The following RXRA variants were observed in gnomAD, a reference collection of about 807,000 sequenced individuals.
RXRA encodes the protein retinoid X receptor alpha.
Under a neutral mutation model 44.5 loss-of-function variants are expected in RXRA, and 5 were observed. The ratio of observed to expected loss-of-function variants is 0.11; its 90% CI spans 0.06 to 0.24. The LOEUF is 0.24. Among genes scored for constraint, RXRA ranks in the 10% least tolerant of loss-of-function variants. The probability of loss-of-function intolerance (pLI) is 1.00; values close to 1 mark genes in which losing one functional copy is unlikely to be tolerated. For synonymous variants in RXRA, 291 were observed against 271.4 expected (o/e 1.07, Z -0.71); for missense variants, 412 against 646.5 (o/e 0.64, Z 3.93).
At chr9:134,344,253 C>A (rs1173295959) in intron 1 of RXRA, among the ~76,000 whole-genome samples, 1 of 152,092 alleles carries the variant, frequency 6.6e-6, no homozygotes, top group African/African-American at 2.4e-5. Context: ...CCGGCATGTG[C>A]GGAGGCTGTG....
intron 6 of RXRA, chr9:134,422,724 T>TG: frequency 1.0e-6 from 1 of 985,380 alleles, no homozygotes; most frequent in South Asian, 4.7e-5. Context: ...ATGGGACTGT[T>TG]GGGGGAAGGG....
chr9:134,387,680 G>A (rs1283556289), intron 1 of RXRA, among the ~76,000 whole-genome samples: 2 of 152,216 alleles, frequency 1.3e-5, no homozygotes, highest in African/African-American at 4.8e-5. Context: ...CCGTCCATGA[G>A]CGTTCCCCGC....
chr9:134,379,931 ACT>A (rs1396144584), intron 1 of RXRA: 16 of 984,868 alleles, frequency 1.6e-5, no homozygotes, highest in Middle Eastern at 5.2e-4. Flanking sequence ...TGGGTCTGAG[ACT>A]CTGGCCTCCC....
chr9:134,350,172 T>C (rs1465580641), intron 1 of RXRA, among the ~76,000 whole-genome samples: 1 of 151,342 alleles, frequency 6.6e-6, no homozygotes, highest in Non-Finnish European at 1.5e-5. Flanking sequence ...TGGGGCCGAG[T>C]GGGCAGCTGG....
At position 134,426,759 on chromosome 9, in the gene RXRA, A is replaced by G; in HGVS notation, c.911-2349A>G. ...CCCCCAGGCCTGCAGGATGTGAGGG[A>G]GAGAGGCAGGCCCGAGAGGCCAGGA... On this transcript the variant is annotated intron_variant, in intron 6 of 9. Coordinates refer to ENST00000481739, the MANE Select transcript of RXRA (RefSeq NM_002957.6). The surrounding 1 kb of genome is among the most constrained non-coding windows in gnomAD (Gnocchi z 4.6). The G allele has an allele frequency of 3.0e-6, 3 of 985,306 alleles. No individual in the cohort carries two copies. The highest frequency in any genetic ancestry group is 3.6e-6 in the Non-Finnish European group (3 of 829,904). 61.0% of individuals were successfully genotyped at this position (985,306 alleles called of 1,614,324 possible). A position where few individuals can be genotyped will look rare whatever the true frequency, so the allele number is the denominator to read the frequency against.
rs752217136 is a variant in RXRA at position 134,366,083 on chromosome 9, G to A, written c.29-35549G>A. 1.6e-4 allele frequency among the ~76,000 whole-genome samples: 25 copies of A among 152,120 alleles called. No individual in the cohort carries two copies. The highest frequency in any genetic ancestry group is 6.0e-4 in the African/African-American group (25 of 41,416). Reference sequence around the variant, plus strand: ...GGGCTTGGCATCTTCAGCATCTCTCGTGCCTCAGTAACAACCTGGGAGCGG... The same window carrying A: ...GGGCTTGGCATCTTCAGCATCTCTCATGCCTCAGTAACAACCTGGGAGCGG... On this transcript the variant is annotated intron_variant, in intron 1 of 9. Transcript: ENST00000481739. This position sits in a 1 kb window ranked among gnomAD's most constrained non-coding sequence, Gnocchi z 5.9.
intron 7 of RXRA, among the ~76,000 whole-genome samples, chr9:134,430,105 C>T (rs926085842): frequency 6.6e-6 from 1 of 152,228 alleles, no homozygotes; most frequent in African/African-American, 2.4e-5. Flanking sequence ...CCAGGATGGT[C>T]TCGATCTCCT....
Position 134,390,882 on chromosome 9 carries a change from G to A in RXRA, c.29-10750G>A, listed in dbSNP as rs1040424048. Among the ~76,000 whole-genome samples the A allele has an allele frequency of 3.9e-5, 6 of 152,362 alleles. 1 individual carries two copies. The highest frequency in any genetic ancestry group is 1.9e-4 in the East Asian group (1 of 5,192). On this transcript the variant is annotated intron_variant, in intron 1 of 9. Transcript: ENST00000481739. ...GCCTCTTCTGTGGGAAGGATGCTGC[G>A]TGCTAGGGTGGGCCTGGGCTTATGG...
At chr9:134,430,031 G>T (rs1040779666) in intron 7 of RXRA, among the ~76,000 whole-genome samples, 1 of 152,108 alleles carries the variant, frequency 6.6e-6, no homozygotes, top group Non-Finnish European at 1.5e-5. Flanking sequence ...AACTACAGGC[G>T]CCCGCCACCA....
intron 1 of RXRA, among the ~76,000 whole-genome samples, chr9:134,381,286 C>T (rs1372740654): frequency 2.6e-5 from 4 of 151,966 alleles, no homozygotes; most frequent in South Asian, 2.1e-4. Flanking sequence ...TCCAGGGATG[C>T]AGCTGGCCTC....
intron 1 of RXRA, among the ~76,000 whole-genome samples, chr9:134,340,701 G>T (rs532035867): frequency 1.7e-4 from 26 of 152,312 alleles, no homozygotes; most frequent in Admixed American, 1.5e-3. Flanking sequence ...GCCACATGCC[G>T]TCCAGGCTGA....
intron 3 of RXRA, 56 bp from the exon 4 acceptor site, chr9:134,408,884 G>C: frequency 7.0e-7 from 1 of 1,427,398 alleles, no homozygotes; most frequent in Non-Finnish European, 9.2e-7. Context: ...GATGGGGGGT[G>C]GGCTCCCTGC....
At chr9:134,364,907 C>G (rs541167363) in intron 1 of RXRA, among the ~76,000 whole-genome samples, 1 of 152,186 alleles carries the variant, frequency 6.6e-6, no homozygotes, top group Non-Finnish European at 1.5e-5. Flanking sequence ...GCCCCTAGCT[C>G]GTGGCCCTGG....
intron 1 of RXRA, among the ~76,000 whole-genome samples, chr9:134,327,206 C>A (rs1280042885): frequency 1.3e-5 from 2 of 152,086 alleles, no homozygotes; most frequent in African/African-American, 4.8e-5. Flanking sequence ...TGGGCAGGGT[C>A]CCCCGGGGCT....
Position 134,417,925 on chromosome 9 carries a change from C to T in RXRA, c.780+598C>T, listed in dbSNP as rs1411033589. Among the ~76,000 whole-genome samples, 4 of 152,056 alleles carry T rather than the reference C, an allele frequency of 2.6e-5. No individual in the cohort carries two copies. The highest frequency in any genetic ancestry group is 1.5e-5 in the Non-Finnish European group (1 of 67,996). On this transcript the variant is annotated intron_variant, in intron 5 of 9. Coordinates refer to ENST00000481739, the MANE Select transcript of RXRA (RefSeq NM_002957.6). This position sits in a 1 kb window ranked among gnomAD's most constrained non-coding sequence, Gnocchi z 6.1. ...TCAAGGGGAGGAGGATTGGGTGGGC[C>T]GCAGCCCTGGTCCCGGGCTCTTCTC... is the stretch of plus-strand genomic sequence containing the variant.
chr9:134,379,176 T>G, intron 1 of RXRA: 2 of 736,632 alleles, frequency 2.7e-6, no homozygotes, highest in Non-Finnish European at 3.3e-6. Context: ...GGACCCGGAA[T>G]TATGCTGTTC....
chr9:134,427,319 C>CCACT (rs1442960248), intron 6 of RXRA, among the ~76,000 whole-genome samples: 4 of 152,186 alleles, frequency 2.6e-5, no homozygotes, highest in Non-Finnish European at 5.9e-5. Flanking sequence ...CCGGGGGACC[C>CCACT]CACTCTTCTT....
At position 134,426,017 on chromosome 9, in the gene RXRA, AG is replaced by A. The variant is rs149097425; in HGVS notation, c.911-3087del. 0.037 allele frequency: 36,031 copies of A among 985,342 alleles called. 742 individuals carry two copies. The highest frequency in any genetic ancestry group is 0.066 in the African/African-American group (3,765 of 57,310). The allele number at this position is 985,342 out of a possible 1,614,324, so 61.0% of individuals were successfully genotyped here. The stretch of plus-strand genomic sequence containing the variant: ...GCTGTTCCTTCCGGAAGCGCTGTCC[AG>A]GGGTCCTGCAACCCCAGCAGAGGCC... On this transcript the variant is annotated intron_variant, in intron 6 of 9. Coordinates refer to ENST00000481739, the MANE Select transcript of RXRA (RefSeq NM_002957.6). This position sits in a 1 kb window ranked among gnomAD's most constrained non-coding sequence, Gnocchi z 4.6.
chr9:134,355,299 C>T (rs189030534), intron 1 of RXRA, among the ~76,000 whole-genome samples: 24 of 152,324 alleles, frequency 1.6e-4, no homozygotes, highest in African/African-American at 2.9e-4. Flanking sequence ...TTGCGCTCCC[C>T]GGCCAGGCCA....
Sources: gnomAD v4.1 joint callset for allele counts (sites outside exome capture counted in the v4.1 genomes callset) on GRCh38, gnomAD v4.1.1 for gene constraint, Gnocchi (gnomAD v3.1) non-coding constraint, MANE v1.5 for transcripts, NCBI Gene and HGNC (gene_info 2026-07-23, HGNC 2026-07-21) for gene names.